ADGRB3: variants seen among roughly 807,000 people sequenced by gnomAD.
ADGRB3 encodes the protein adhesion G protein-coupled receptor B3.
ADGRB3 carries 37 observed loss-of-function variants against 193.4 expected under a neutral mutation model. That is an observed-to-expected ratio of 0.19 (90% CI 0.15 to 0.25). The LOEUF (loss-of-function observed/expected upper bound fraction) is 0.25. Ranked by LOEUF, ADGRB3 falls within the 10% of genes least tolerant of loss-of-function variation. ADGRB3 has a pLI of 1.00. For synonymous variants in ADGRB3, 690 were observed against 644.2 expected (o/e 1.07, Z -1.08); for missense variants, 1,637 against 1,852.9 (o/e 0.88, Z 2.14).
chr6:68,809,428 G>A (rs1475885758), intron 3 of ADGRB3, among the ~76,000 whole-genome samples: 1 of 152,116 alleles, frequency 6.6e-6, no homozygotes, highest in Non-Finnish European at 1.5e-5. Flanking sequence ...AATGTATTTT[G>A]CCCAGGCAAA....
intron 17 of ADGRB3, among the ~76,000 whole-genome samples, chr6:69,108,240 C>T (rs910570316): frequency 2.6e-5 from 4 of 152,128 alleles, no homozygotes; most frequent in African/African-American, 9.7e-5. Flanking sequence ...CTATTTCTCT[C>T]CCCTTTAAGA....
intron 17 of ADGRB3, among the ~76,000 whole-genome samples, chr6:69,114,431 G>T (rs751225758): frequency 6.6e-6 from 1 of 152,098 alleles, no homozygotes; most frequent in African/African-American, 2.4e-5. Context: ...TGGATAGATT[G>T]CAAAAATTTT....
At position 68,887,775 on chromosome 6, in the gene ADGRB3, A is replaced by G. The variant is rs140568092; in HGVS notation, c.758-42784A>G. Among the ~76,000 whole-genome samples, 250 of 152,310 alleles carry G rather than the reference A, an allele frequency of 1.6e-3. 3 individuals are homozygous for G. The highest frequency in any genetic ancestry group is 5.8e-3 in the African/African-American group (241 of 41,588). ...CCTAAAATATATTAAAGGGAAGTGT[A>G]TACAACAAAATATTTCTTGTGAAAG... On this transcript the variant is annotated intron_variant, in intron 3 of 31. Coordinates refer to ENST00000370598, the MANE Select transcript of ADGRB3 (RefSeq NM_001704.3).
At chr6:69,150,510 C>A (rs1033419503) in intron 17 of ADGRB3, among the ~76,000 whole-genome samples, 1 of 152,078 alleles carries the variant, frequency 6.6e-6, no homozygotes, top group African/African-American at 2.4e-5. Context: ...AGGTCAGTGC[C>A]CTACATCCTA....
At chr6:69,105,671 A>G (rs1370878600) in intron 17 of ADGRB3, among the ~76,000 whole-genome samples, 1 of 152,140 alleles carries the variant, frequency 6.6e-6, no homozygotes, top group Non-Finnish European at 1.5e-5. Context: ...TAATATCCCA[A>G]AAATCATATA....
At chr6:69,368,479 G>A (rs994958705) in intron 29 of ADGRB3, among the ~76,000 whole-genome samples, 12 of 152,074 alleles carry the variant, frequency 7.9e-5, no homozygotes, top group African/African-American at 2.9e-4. Flanking sequence ...TGAGTCTCTC[G>A]CTTGACCAAT....
chr6:68,846,391 T>G (rs1322596688), intron 3 of ADGRB3, among the ~76,000 whole-genome samples: 1 of 152,210 alleles, frequency 6.6e-6, no homozygotes, highest in East Asian at 1.9e-4. Context: ...TCCCCAAGAT[T>G]ATGGGGAAAA....
intron 17 of ADGRB3, among the ~76,000 whole-genome samples, chr6:69,120,246 G>A (rs1773646139): frequency 6.6e-6 from 1 of 152,180 alleles, no homozygotes; most frequent in Non-Finnish European, 1.5e-5. Flanking sequence ...TTGAAATGTG[G>A]TCCCTGAATC....
At chr6:69,297,221 G>A (rs1767840421) in intron 20 of ADGRB3, among the ~76,000 whole-genome samples, 1 of 152,014 alleles carries the variant, frequency 6.6e-6, no homozygotes, top group Non-Finnish European at 1.5e-5. Flanking sequence ...GACATCAATA[G>A]AGCCAATATA....
At chr6:68,773,891 A>G (rs2127357783) in intron 3 of ADGRB3, among the ~76,000 whole-genome samples, 1 of 152,222 alleles carries the variant, frequency 6.6e-6, no homozygotes, top group South Asian at 2.1e-4. Context: ...TAGATGTAAG[A>G]TAGAGGGAAA....
At chr6:69,170,061 C>T (rs1775234007) in intron 17 of ADGRB3, among the ~76,000 whole-genome samples, 1 of 152,088 alleles carries the variant, frequency 6.6e-6, no homozygotes, top group Admixed American at 6.5e-5. Flanking sequence ...GAAATTGACC[C>T]TAAGGAGAAG....
intron 22 of ADGRB3, among the ~76,000 whole-genome samples, chr6:69,330,107 T>TAA (rs781552993): frequency 1.3e-5 from 2 of 150,634 alleles, no homozygotes; most frequent in African/African-American, 2.4e-5. Flanking sequence ...TCTAAAACTC[T>TAA]AAAAAAAAAT....
chr6:69,199,256 A>G (rs1765370795), intron 17 of ADGRB3, among the ~76,000 whole-genome samples: 1 of 152,158 alleles, frequency 6.6e-6, no homozygotes, highest in Non-Finnish European at 1.5e-5. Context: ...GACCAACTGC[A>G]TTCCAAGTAT....
chr6:69,210,932 G>A (rs1312862562), intron 17 of ADGRB3, among the ~76,000 whole-genome samples: 3 of 151,658 alleles, frequency 2.0e-5, no homozygotes, highest in Non-Finnish European at 2.9e-5. Context: ...TGGCTAACAC[G>A]GTGAAACCCC....
rs117960444 is a variant in ADGRB3 at position 68,690,215 on chromosome 6, T to C, written c.757+50783T>C. Among the ~76,000 whole-genome samples the C allele has an allele frequency of 2.5e-3, 388 of 152,266 alleles. 12 individuals are homozygous for C. The highest frequency in any genetic ancestry group is 0.019 in the Admixed American group (288 of 15,280). ...TAATGCAGATACAAAGCTTAGCCTT[T>C]ACGTGCTACTGAGCTGCTGAGAACA... is the stretch of plus-strand genomic sequence containing the variant. On this transcript the variant is annotated intron_variant, in intron 3 of 31. Coordinates refer to ENST00000370598, the MANE Select transcript of ADGRB3 (RefSeq NM_001704.3).
intron 17 of ADGRB3, among the ~76,000 whole-genome samples, chr6:69,174,065 T>C (rs548832112): frequency 0.09 from 186 of 2,076 alleles, 2 homozygotes; most frequent in South Asian, 0.47. Flanking sequence ...ATTACTCATG[T>C]ACTTTTTTCT....
At chr6:69,105,403 C>T (rs759070264) in intron 17 of ADGRB3, among the ~76,000 whole-genome samples, 2 of 152,192 alleles carry the variant, frequency 1.3e-5, no homozygotes, top group Non-Finnish European at 2.9e-5. Flanking sequence ...AAATTTTTCT[C>T]AGAACTTGAT....
At chr6:68,806,812 A>G (rs1449675174) in intron 3 of ADGRB3, among the ~76,000 whole-genome samples, 3 of 152,122 alleles carry the variant, frequency 2.0e-5, no homozygotes, top group Non-Finnish European at 2.9e-5. Context: ...CCATAATTTT[A>G]GAGTAGTTCC....
intron 3 of ADGRB3, among the ~76,000 whole-genome samples, chr6:68,900,389 G>A (rs2342761): frequency 0.47 from 71,086 of 151,912 alleles, 16,986 homozygotes; most frequent in African/African-American, 0.55. Flanking sequence ...ATATTCAGGG[G>A]CTCATAGGGA....
Sources: gnomAD v4.1 joint callset for allele counts (sites outside exome capture counted in the v4.1 genomes callset) on GRCh38, gnomAD v4.1.1 for gene constraint, MANE v1.5 for transcripts, NCBI Gene and HGNC (gene_info 2026-07-23, HGNC 2026-07-21) for gene names.